LSP1: variants seen among roughly 807,000 people sequenced by gnomAD.
LSP1 encodes lymphocyte specific protein 1, also known as lymphocyte-specific protein 1.
A neutral mutation model predicts 49.3 loss-of-function variants in LSP1; 32 were observed. The observed-to-expected ratio is 0.65, with a 90% confidence interval of 0.49 to 0.87. The LOEUF is 0.87. Among genes scored for constraint, LSP1 ranks in the 40% least tolerant of loss-of-function variants. The pLI, the probability that LSP1 is intolerant of heterozygous loss-of-function variation, is 0.00. For synonymous variants in LSP1, 179 were observed against 178.8 expected (o/e 1.00, Z -0.01); for missense variants, 428 against 442.6 (o/e 0.97, Z 0.30).
chr11:1,867,006 G>A (rs1847815823), intron 1 of LSP1: 1 of 1,267,688 alleles, frequency 7.9e-7, no homozygotes, highest in Admixed American at 2.8e-5. Context: ...GAAGCCGCGT[G>A]GGCCCAGGCT....
At chr11:1,887,669 T>G (rs951312020) in intron 10 of LSP1, 93 bp downstream of exon 10, 4 of 981,884 alleles carry the variant, frequency 4.1e-6, no homozygotes, top group Non-Finnish European at 6.2e-6. Context: ...GGAGCCCTGT[T>G]GCAGGCTACA....
chr11:1,883,836 C>A, intron 4 of LSP1, 96 bp from the exon 5 acceptor site: 2 of 1,206,678 alleles, frequency 1.7e-6, no homozygotes, highest in Non-Finnish European at 2.3e-6. Context: ...GAACCTGGGG[C>A]TCAGGAAGGA....
intron 1 of LSP1, among the ~76,000 whole-genome samples, chr11:1,859,074 CT>C (rs1436637186): frequency 1.3e-5 from 2 of 152,204 alleles, no homozygotes; most frequent in African/African-American, 4.8e-5. Flanking sequence ...ACATGGGCCC[CT>C]GACCTCAGTG....
intron 1 of LSP1, among the ~76,000 whole-genome samples, chr11:1,871,977 T>C (rs1195969580): frequency 7.1e-6 from 1 of 141,478 alleles, no homozygotes; most frequent in East Asian, 2.2e-4. Context: ...CGCACGCTGG[T>C]AGAGTTGGGG....
chr11:1,884,667 A>G lies in LSP1; in HGVS notation c.717+86A>G. ...CCAACCAACGCCCTTCCATCCAATC[A>G]GTGCCGCCTTATTCAACCAACACCC... On this transcript the variant is annotated intron_variant, in intron 7 of 10. Coordinates refer to ENST00000311604, the MANE Select transcript of LSP1 (RefSeq NM_002339.3). This position sits in a 1 kb window ranked among gnomAD's most constrained non-coding sequence, Gnocchi z 4.1. The G allele has an allele frequency of 8.6e-7, 1 of 1,165,490 alleles. No individual in the cohort carries two copies. Among genetic ancestry groups the G allele is most frequent in the Non-Finnish European group, 1.3e-6 (1 of 791,828 alleles). The allele number at this position is 1,165,490 out of a possible 1,614,324, so 72.2% of individuals were successfully genotyped here.
intron 1 of LSP1, among the ~76,000 whole-genome samples, chr11:1,857,240 C>G (rs1361512884): frequency 6.6e-6 from 1 of 152,198 alleles, no homozygotes; most frequent in African/African-American, 2.4e-5. Context: ...TTTCTTCCTG[C>G]GCCCCCTTCC....
chr11:1,862,314 C>T (rs1008764860), intron 1 of LSP1, among the ~76,000 whole-genome samples: 1 of 152,194 alleles, frequency 6.6e-6, no homozygotes, highest in East Asian at 1.9e-4. Flanking sequence ...GAATCTTGGC[C>T]GCTACATGTA....
intron 4 of LSP1, 120 bp from the exon 5 acceptor site, chr11:1,883,812 G>A (rs192227918): frequency 8.7e-6 from 9 of 1,034,706 alleles, no homozygotes; most frequent in South Asian, 3.0e-5. Context: ...ACTGGAGCAC[G>A]TCAGGGCCAC....
At chr11:1,876,606 G>A (rs80005225) in intron 1 of LSP1, 14,350 of 985,512 alleles carry the variant, frequency 0.015, 120 homozygotes, top group Non-Finnish European at 0.016. Flanking sequence ...GGACCGAGCC[G>A]GACACCCATT....
At chr11:1,873,674 G>C (rs893164279) in intron 1 of LSP1, among the ~76,000 whole-genome samples, 1 of 151,986 alleles carries the variant, frequency 6.6e-6, no homozygotes, top group Non-Finnish European at 1.5e-5. Flanking sequence ...CTGGACCGAG[G>C]CTATGGCTAT....
At chr11:1,876,577 G>T in intron 1 of LSP1, 1 of 985,626 alleles carries the variant, frequency 1.0e-6, no homozygotes, top group Non-Finnish European at 1.2e-6. Context: ...GCTGCCTGCA[G>T]GGGGCAGAGT....
intron 1 of LSP1, 134 bp from the exon 2 acceptor site, chr11:1,879,953 G>T: frequency 9.2e-7 from 1 of 1,088,336 alleles, no homozygotes; most frequent in Non-Finnish European, 1.3e-6. Context: ...CTGAGGGCCG[G>T]CCTGGGACTG....
intron 1 of LSP1, among the ~76,000 whole-genome samples, chr11:1,854,051 C>G (rs1414770411): frequency 2.0e-5 from 3 of 152,140 alleles, no homozygotes; most frequent in Non-Finnish European, 4.4e-5. Context: ...CGAGTTGCCC[C>G]CGGTGCAGGT....
At position 1,887,575 on chromosome 11, in the gene LSP1, C is replaced by G. The variant is rs778169854; in HGVS notation, c.*12C>G. The G allele has an allele frequency of 6.2e-7, 1 of 1,612,108 alleles. No homozygotes were observed. Among genetic ancestry groups the G allele is most frequent in the Non-Finnish European group, 8.5e-7 (1 of 1,178,668 alleles). On this transcript the variant is annotated splice_region_variant and 3_prime_UTR_variant, in exon 10 of 11. Transcript: ENST00000311604. ...GCCCGGCTCCCTAGGCGTCCCATCT[C>G]GGTGAGTCCCTGGCAACTCACAGAA...
intron 1 of LSP1, among the ~76,000 whole-genome samples, chr11:1,873,918 G>GGAGCAGGGAGCCCGGCA (rs1848165614): frequency 6.2e-5 from 5 of 80,860 alleles, no homozygotes; most frequent in Non-Finnish European, 9.8e-5. Flanking sequence ...GGAGGCCGGC[G>GGAGCAGGGAGCCCGGCA]GAGGAGGGAG....
Position 1,871,554 on chromosome 11 carries a change from G to A in LSP1, c.54-8533G>A, listed in dbSNP as rs190175169. 237 of 873,206 alleles carry A rather than the reference G, an allele frequency of 2.7e-4. 1 individual carries two copies. In the African/African-American group the frequency reaches 4.3e-3, roughly 16 times the overall value. 54.1% of individuals were successfully genotyped at this position (873,206 alleles called of 1,614,324 possible). ...GGGTAGAGGGGTTGGGGGAAACCAG[G>A]CTCCATTTTCCAGTCTCAGCAGGGG... On this transcript the variant is annotated intron_variant, in intron 1 of 10. Transcript: ENST00000311604.
At chr11:1,883,805 G>T (rs538748741) in intron 4 of LSP1, 127 bp from the exon 5 acceptor site, 3 of 983,304 alleles carry the variant, frequency 3.1e-6, no homozygotes, top group Non-Finnish European at 4.5e-6. Flanking sequence ...CTCCAGAACT[G>T]GAGCACGTCA....
At chr11:1,871,226 G>C in intron 1 of LSP1, 1 of 986,596 alleles carries the variant, frequency 1.0e-6, no homozygotes, top group African/African-American at 1.7e-5. Flanking sequence ...GAAAGAGCAG[G>C]CACGGGGCAG....
chr11:1,881,747 A>G, intron 3 of LSP1, 151 bp downstream of exon 3: 1 of 814,322 alleles, frequency 1.2e-6, no homozygotes, highest in Non-Finnish European at 1.7e-6. Context: ...CAGGCCCTCA[A>G]CCTGCGCCTG....
Sources: allele counts gnomAD v4.1 joint callset (sites outside exome capture counted in the v4.1 genomes callset), GRCh38; gene constraint gnomAD v4.1.1; non-coding constraint Gnocchi (gnomAD v3.1); transcripts MANE v1.5; gene names NCBI Gene and HGNC (gene_info 2026-07-23, HGNC 2026-07-21).